Variants in PKIG observed in about 807,000 individuals in gnomAD.
The protein encoded by PKIG is cAMP-dependent protein kinase inhibitor gamma.
PKIG carries 1 observed loss-of-function variant against 6.8 expected under a neutral mutation model. The ratio of observed to expected loss-of-function variants is 0.15; its 90% CI spans 0.05 to 0.69. The LOEUF is 0.69. Ranked by LOEUF, PKIG falls within the 30% of genes least tolerant of loss-of-function variation. PKIG has a pLI of 0.82. For synonymous variants in PKIG, 39 were observed against 43.0 expected (o/e 0.91, Z 0.36); for missense variants, 77 against 104.0 (o/e 0.74, Z 1.13).
chr20:44,613,001 T>C (rs1403346012), intron 2 of PKIG, among the ~76,000 whole-genome samples: 2 of 152,080 alleles, frequency 1.3e-5, no homozygotes, highest in African/African-American at 4.8e-5. Context: ...TTCTAAAGCG[T>C]CCCAAAGAGT....
At chr20:44,542,152 A>C (rs2064567659) in intron 1 of PKIG, among the ~76,000 whole-genome samples, 1 of 152,208 alleles carries the variant, frequency 6.6e-6, no homozygotes, top group Non-Finnish European at 1.5e-5. Flanking sequence ...AGAAATTGCT[A>C]GAACTCATAG....
chr20:44,540,448 A>T (rs1277118079), intron 1 of PKIG, among the ~76,000 whole-genome samples: 2 of 152,230 alleles, frequency 1.3e-5, no homozygotes, highest in Admixed American at 1.3e-4. Flanking sequence ...CAATTAACCA[A>T]AATTAATTAC....
At chr20:44,580,481 G>T (rs1437328211), upstream of PKIG, among the ~76,000 whole-genome samples, 1 of 152,058 alleles carries the variant, frequency 6.6e-6, no homozygotes, top group Non-Finnish European at 1.5e-5. Context: ...AAGTAGCTGG[G>T]ACTACAGGAA....
Position 44,614,493 on chromosome 20 carries a change from A to G in PKIG, c.-23-41A>G, listed in dbSNP as rs543144234. 5 of 1,502,526 alleles carry G rather than the reference A, an allele frequency of 3.3e-6. No individual in the cohort carries two copies. The highest frequency in any genetic ancestry group is 2.3e-5 in the South Asian group (2 of 85,386). The allele number at this position is 1,502,526 out of a possible 1,614,324, so 93.1% of individuals were successfully genotyped here. A position where few individuals can be genotyped will look rare whatever the true frequency, so the allele number is the denominator to read the frequency against. ...TGGAGCTGTCCTCTCTGCAGAATGC[A>G]TCTGGACTTACCTCTGCCCCCTTGC... On this transcript the variant is annotated intron_variant, in intron 2 of 3. Transcript: ENST00000372886. This position sits in a 1 kb window ranked among gnomAD's most constrained non-coding sequence, Gnocchi z 4.6.
At chr20:44,559,251 A>G (rs1427780190) in intron 1 of PKIG, among the ~76,000 whole-genome samples, 1 of 152,250 alleles carries the variant, frequency 6.6e-6, no homozygotes, top group African/African-American at 2.4e-5. Context: ...TCCAGAAATT[A>G]TGCATGTCCA....
At chr20:44,572,232 C>T (rs1276033461) in intron 1 of PKIG, among the ~76,000 whole-genome samples, 1 of 152,188 alleles carries the variant, frequency 6.6e-6, no homozygotes, top group Non-Finnish European at 1.5e-5. Context: ...TCTCCAACTC[C>T]TGACCTCAAG....
intron 1 of PKIG, among the ~76,000 whole-genome samples, chr20:44,589,203 A>G (rs183385005): frequency 2.0e-5 from 3 of 152,210 alleles, no homozygotes; most frequent in African/African-American, 7.2e-5. Flanking sequence ...AGGACACAGT[A>G]GTTCACACCT....
chr20:44,555,958 A>G (rs1448382094), intron 1 of PKIG, among the ~76,000 whole-genome samples: 1 of 152,182 alleles, frequency 6.6e-6, no homozygotes, highest in Non-Finnish European at 1.5e-5. Flanking sequence ...CTCCTGCCTC[A>G]GCCTCCCAAG....
intron 1 of PKIG, among the ~76,000 whole-genome samples, chr20:44,569,009 C>A (rs1403670793): frequency 2.6e-5 from 4 of 152,176 alleles, no homozygotes; most frequent in Admixed American, 6.5e-5. Context: ...AGAGCATTTA[C>A]ATTTTTTAAT....
rs919550863 is a variant in PKIG at position 44,603,952 on chromosome 20, T to C, written c.-23-10582T>C. On this transcript the variant is annotated intron_variant, in intron 2 of 3. Coordinates refer to ENST00000372886, the MANE Select transcript of PKIG (RefSeq NM_001281445.2). Reference sequence around the variant, plus strand: ...TTTTAATCATTGAAGGTTTCTGAACTGAGCATGAGGATGAGCCAACTGATG... The same window carrying C: ...TTTTAATCATTGAAGGTTTCTGAACCGAGCATGAGGATGAGCCAACTGATG... Among the ~76,000 whole-genome samples the C allele has an allele frequency of 4.6e-5, 7 of 150,824 alleles. No homozygotes were observed. In the Admixed American group the frequency reaches 4.7e-4, roughly 10 times the overall value.
chr20:44,554,575 G>T (rs948503073), intron 1 of PKIG, among the ~76,000 whole-genome samples: 4 of 152,130 alleles, frequency 2.6e-5, no homozygotes, highest in Non-Finnish European at 2.9e-5. Flanking sequence ...CAAGGGTGAG[G>T]GGGTGAGGGG....
chr20:44,552,830 AG>A (rs1286048072), intron 1 of PKIG, among the ~76,000 whole-genome samples: 2 of 152,158 alleles, frequency 1.3e-5, no homozygotes, highest in African/African-American at 4.8e-5. Context: ...GGAAGCATTT[AG>A]GATCTTAATT....
intron 2 of PKIG, among the ~76,000 whole-genome samples, chr20:44,610,026 G>C (rs60727838): frequency 0.013 from 2,055 of 152,312 alleles, 39 homozygotes; most frequent in African/African-American, 0.045. Context: ...GGTTTCCCCA[G>C]AGGCAGAGCG....
chr20:44,540,175 G>T (rs6031649), intron 1 of PKIG, among the ~76,000 whole-genome samples: 1 of 151,978 alleles, frequency 6.6e-6, no homozygotes, highest in Non-Finnish European at 1.5e-5. Context: ...TGGCCAGGCT[G>T]GTCTTGAACT....
chr20:44,537,592 T>C (rs1035929482), intron 1 of PKIG, among the ~76,000 whole-genome samples: 5 of 151,768 alleles, frequency 3.3e-5, no homozygotes, highest in Non-Finnish European at 7.4e-5. Flanking sequence ...TTTTTTTTTT[T>C]TTTGAGACAG....
At chr20:44,575,285 C>T (rs1049375246) in intron 1 of PKIG, among the ~76,000 whole-genome samples, 6 of 152,200 alleles carry the variant, frequency 3.9e-5, no homozygotes, top group South Asian at 4.1e-4. Context: ...ATGGCATGAT[C>T]TCGGCTCACT....
At chr20:44,581,605 C>A (rs990421956), upstream of PKIG, among the ~76,000 whole-genome samples, 1 of 152,174 alleles carries the variant, frequency 6.6e-6, no homozygotes, top group African/African-American at 2.4e-5. Context: ...CCATGTTGGT[C>A]CCTAAGGACA....
At chr20:44,541,048 G>A (rs1568802171) in intron 1 of PKIG, among the ~76,000 whole-genome samples, 2 of 152,184 alleles carry the variant, frequency 1.3e-5, no homozygotes, top group Non-Finnish European at 2.9e-5. Flanking sequence ...TGACTCAGCC[G>A]TTTGGTTGGC....
At chr20:44,602,911 G>A (rs1343776584) in intron 2 of PKIG, among the ~76,000 whole-genome samples, 1 of 152,012 alleles carries the variant, frequency 6.6e-6, no homozygotes, top group Non-Finnish European at 1.5e-5. Context: ...TGGTGGGAAA[G>A]GAAGCTGAGA....
Sources: allele counts gnomAD v4.1 joint callset (sites outside exome capture counted in the v4.1 genomes callset), GRCh38; gene constraint gnomAD v4.1.1; non-coding constraint Gnocchi (gnomAD v3.1); transcripts MANE v1.5; gene names NCBI Gene and HGNC (gene_info 2026-07-23, HGNC 2026-07-21).